ANKRD42: variants seen among roughly 807,000 people sequenced by gnomAD.
The protein encoded by ANKRD42 is ankyrin repeat domain-containing protein 42.
In ANKRD42, 43 loss-of-function variants were observed where a neutral mutation model predicts 51.5. The observed-to-expected ratio is 0.83, with a 90% CI of 0.65 to 1.08. ANKRD42 has a LOEUF of 1.08. Among genes scored for constraint, ANKRD42 ranks in the 50% least tolerant of loss-of-function variants. ANKRD42 has a pLI of 0.00. For missense variants in ANKRD42, 608 were observed against 629.3 expected (o/e 0.97, Z 0.36); for synonymous variants, 203 against 213.0 (o/e 0.95, Z 0.41).
At chr11:83,230,489 T>G (rs1863033898) in intron 7 of ANKRD42, among the ~76,000 whole-genome samples, 1 of 152,220 alleles carries the variant, frequency 6.6e-6, no homozygotes, top group African/African-American at 2.4e-5. Context: ...ATCCCACAAA[T>G]AGGTGAGAAC....
chr11:83,256,035 T>TA, exon 12 of ANKRD42: 1 of 822,860 alleles, frequency 1.2e-6, no homozygotes, highest in Non-Finnish European at 1.8e-6. Context: ...TACTCTGATA[T>TA]GCTTCTGTTC....
intron 9 of ANKRD42, among the ~76,000 whole-genome samples, chr11:83,241,379 T>C (rs2135551032): frequency 6.6e-6 from 1 of 152,240 alleles, no homozygotes; most frequent in South Asian, 2.1e-4. Flanking sequence ...GGGAGGGTGA[T>C]AAATAATTGA....
chr11:83,228,232 T>TC (rs1491391593), intron 7 of ANKRD42, among the ~76,000 whole-genome samples: 2,165 of 11,504 alleles, frequency 0.19, 1 homozygote, highest in Non-Finnish European at 0.22. Context: ...TCTCTCTCTC[T>TC]TTTTTTTTTT....
downstream of ANKRD42, chr11:83,256,241 C>A: frequency 5.6e-6 from 1 of 177,686 alleles, no homozygotes; most frequent in Non-Finnish European, 1.2e-5. Flanking sequence ...CAAAAGAAAT[C>A]TAGTTCTAGA....
At chr11:83,205,659 A>G (rs141889947) in intron 2 of ANKRD42, among the ~76,000 whole-genome samples, 87 of 152,342 alleles carry the variant, frequency 5.7e-4, no homozygotes, top group African/African-American at 2.0e-3. Context: ...GACCCGTTTA[A>G]AGATCTATGT....
intron 2 of ANKRD42, among the ~76,000 whole-genome samples, chr11:83,204,652 A>G (rs1029391987): frequency 6.6e-6 from 1 of 152,172 alleles, no homozygotes; most frequent in East Asian, 1.9e-4. Flanking sequence ...AAAAAAAGAA[A>G]ATGAAGCTTG....
At chr11:83,242,690 C>T (rs1277452427) in intron 9 of ANKRD42, among the ~76,000 whole-genome samples, 2 of 151,644 alleles carry the variant, frequency 1.3e-5, no homozygotes, top group East Asian at 1.9e-4. Context: ...CTCAGCCTCC[C>T]GAGTAGTGGT....
chr11:83,224,551 G>A (rs1428140523), intron 5 of ANKRD42, among the ~76,000 whole-genome samples: 1 of 152,088 alleles, frequency 6.6e-6, no homozygotes. Context: ...TTTGGGGCAG[G>A]GATAGTCATC....
chr11:83,256,958 G>C (rs1007015007), downstream of ANKRD42, among the ~76,000 whole-genome samples: 4 of 152,146 alleles, frequency 2.6e-5, no homozygotes, highest in Non-Finnish European at 4.4e-5. Context: ...CTGTCATTGG[G>C]AGAATTAAGA....
chr11:83,213,189 C>T (rs980581442), intron 5 of ANKRD42: 126 of 1,599,932 alleles, frequency 7.9e-5, no homozygotes, highest in African/African-American at 9.4e-5. Flanking sequence ...GTTGTGGGAG[C>T]GACAAAAAAA....
At chr11:83,219,671 A>G (rs1655419836) in intron 5 of ANKRD42, among the ~76,000 whole-genome samples, 2 of 152,230 alleles carry the variant, frequency 1.3e-5, no homozygotes. Context: ...CGAAACAACA[A>G]TTCAATGGCT....
downstream of ANKRD42, chr11:83,261,051 A>G (rs1337771973): frequency 3.3e-5 from 5 of 152,196 alleles, no homozygotes; most frequent in African/African-American, 1.2e-4. Flanking sequence ...TAGCAACTCT[A>G]CAGATTTCAT....
In ANKRD42 at chr11:83,220,629, T is replaced by C. The variant is rs567268966; in HGVS notation, c.587-4226T>C. Reference sequence around the variant, plus strand: ...ATGGGTAGCCCTTCTGTCTTCTTTATAGTTGAAGAAGCTTTGCTGGATTCT... The same window carrying C: ...ATGGGTAGCCCTTCTGTCTTCTTTACAGTTGAAGAAGCTTTGCTGGATTCT... On this transcript the variant is annotated intron_variant, in intron 5 of 10. Transcript: ENST00000533342. 3.2e-4 allele frequency among the ~76,000 whole-genome samples: 49 copies of C among 152,294 alleles called. 1 individual carries two copies. Among genetic ancestry groups the C allele is most frequent in the Non-Finnish European group, 8.8e-5 (6 of 68,004 alleles).
chr11:83,254,113 T>A (rs983464153), intron 11 of ANKRD42, among the ~76,000 whole-genome samples: 14 of 152,150 alleles, frequency 9.2e-5, no homozygotes, highest in African/African-American at 3.4e-4. Flanking sequence ...TAGCTGGGAC[T>A]ACAGGCATGA....
At position 83,247,963 on chromosome 11, in the gene ANKRD42, G is replaced by C; in HGVS notation, c.1343G>C (p.Gly448Ala). ...ESEKTIKELQGQLEYERLRRE... is the reference protein window; with the variant it reads ...ESEKTIKELQAQLEYERLRRE... ...GATAGGACCATCAAAGAACTGCAGG[G>C]CCAGCTGGAGTATGAACGACTACGT... Residue 448 changes from glycine to alanine, a missense_variant, in exon 11 of 11, where the codon GGC becomes GCC. Transcript: ENST00000533342. 6.2e-7 allele frequency: 1 copy of C among 1,611,792 alleles called. No homozygotes were observed.
intron 8 of ANKRD42, 76 bp from the exon 9 acceptor site, chr11:83,240,683 C>T: frequency 6.5e-7 from 1 of 1,538,204 alleles, no homozygotes; most frequent in Non-Finnish European, 8.9e-7. Flanking sequence ...AGTGTAATCC[C>T]CTAAGTTAAG....
At position 83,248,960 on chromosome 11, in the gene ANKRD42, A is replaced by G; in HGVS notation, c.*756A>G. 1 of 983,458 alleles carries G rather than the reference A, an allele frequency of 1.0e-6. No homozygotes were observed. The highest frequency in any genetic ancestry group is 1.2e-6 in the Non-Finnish European group (1 of 828,138). The allele number at this position is 983,458 out of a possible 1,614,324, so 60.9% of individuals were successfully genotyped here. On this transcript the variant is annotated 3_prime_UTR_variant, in exon 11 of 11. Coordinates refer to ENST00000533342, the MANE Select transcript of ANKRD42 (RefSeq NM_001300975.2). ...GTTGATTTTCCAAGAAATATAATTA[A>G]CTATAATAATTAATCTATTCTCTTC... is the stretch of plus-strand genomic sequence containing the variant.
intron 5 of ANKRD42, among the ~76,000 whole-genome samples, chr11:83,221,427 G>C (rs750945843): frequency 1.3e-5 from 2 of 152,098 alleles, no homozygotes; most frequent in Non-Finnish European, 2.9e-5. Flanking sequence ...TTGTTTCCCT[G>C]TTTGCTATGA....
intron 5 of ANKRD42, among the ~76,000 whole-genome samples, chr11:83,218,826 A>G (rs1003890659): frequency 2.0e-5 from 3 of 152,148 alleles, no homozygotes; most frequent in African/African-American, 7.2e-5. Context: ...ACAAGGCAGT[A>G]TTGTCACGAA....
Sources: gnomAD v4.1 joint callset for allele counts (sites outside exome capture counted in the v4.1 genomes callset) on GRCh38, gnomAD v4.1.1 for gene constraint, MANE v1.5 for transcripts, NCBI Gene and HGNC (gene_info 2026-07-23, HGNC 2026-07-21) for gene names.